The following FANCB variants were observed in gnomAD, a reference collection of about 807,000 sequenced individuals.
FANCB encodes Fanconi anemia group B protein.
A neutral mutation model predicts 38.9 loss-of-function variants in FANCB; 5 were observed. That is an observed-to-expected ratio of 0.13 (90% CI 0.07 to 0.27). The LOEUF is 0.27. Among genes scored for constraint, FANCB ranks in the 10% least tolerant of loss-of-function variants. FANCB has a pLI of 1.00. For missense variants in FANCB, 573 were observed against 602.7 expected, an observed-to-expected ratio of 0.95 and a Z score of 0.52; for synonymous variants, 236 against 215.4, an observed-to-expected ratio of 1.10 and a Z score of -0.84.
chrX:14,787,553 AC>A, the FANCB span, among the ~76,000 whole-genome samples: 1 of 110,714 alleles, frequency 9.0e-6, no homozygotes, highest in Non-Finnish European at 1.9e-5. Flanking sequence ...TGTTTTCACC[AC>A]AAAAAATAAG....
intron 10 of FANCB, among the ~76,000 whole-genome samples, chrX:14,838,356 C>A (rs1397310699): frequency 2.7e-5 from 3 of 111,827 alleles, no homozygotes. Context: ...TCAGGAAACA[C>A]CTGACTAGCC....
At chrX:14,799,423 G>T in the FANCB span, among the ~76,000 whole-genome samples, 1 of 112,331 alleles carries the variant, frequency 8.9e-6, no homozygotes. Flanking sequence ...TACAGGTATA[G>T]ATACAGATCT....
the FANCB span, among the ~76,000 whole-genome samples, chrX:14,721,139 AT>A: frequency 9.4e-6 from 1 of 106,839 alleles, no homozygotes; most frequent in Non-Finnish European, 1.9e-5. Flanking sequence ...AAAAAAAAAA[AT>A]ACTGTTGGGG....
rs867778700 is a variant in FANCB, at chrX:14,850,659, G to A, written c.1342C>T (p.Pro448Ser). Residue 448 changes from proline to serine, a missense_variant, in exon 7 of 10, where the codon CCT (proline) becomes TCT (serine). Physicochemically the swap from Pro to Ser is moderately conservative, Grantham distance 74 (BLOSUM62 -1). Transcript: ENST00000650831. ...SSAEEKECLVPLCGEEENSVH... is the reference protein window; with the variant it reads ...SSAEEKECLVSLCGEEENSVH... Reference sequence around the variant, plus strand: ...GAATTTTCTTCTTCACCACAAAGAGGAACAAGACATTCCTTCTAAAAAAAA... The same window carrying A: ...GAATTTTCTTCTTCACCACAAAGAGAAACAAGACATTCCTTCTAAAAAAAA... 3 of 1,156,816 alleles carry A rather than the reference G, an allele frequency of 2.6e-6. No homozygotes were observed. The highest frequency in any genetic ancestry group is 3.7e-5 in the South Asian group (2 of 54,442).
the FANCB span, among the ~76,000 whole-genome samples, chrX:14,732,438 A>C: frequency 8.9e-6 from 1 of 112,224 alleles, no homozygotes; most frequent in Non-Finnish European, 1.9e-5. Flanking sequence ...TTCTGGTTCT[A>C]GATCCTTGAG....
At chrX:14,832,486 TG>T (rs930801387), downstream of FANCB, among the ~76,000 whole-genome samples, 1 of 111,534 alleles carries the variant, frequency 9.0e-6, no homozygotes, top group African/African-American at 3.3e-5. Context: ...CATATCTTTT[TG>T]GGGGGACATA....
the FANCB span, among the ~76,000 whole-genome samples, chrX:14,768,461 T>C: frequency 1.8e-5 from 2 of 111,410 alleles, no homozygotes; most frequent in East Asian, 5.6e-4. Flanking sequence ...GCTCTCTGCT[T>C]GCCTGTTGTT....
At chrX:14,725,532 G>A in the FANCB span, among the ~76,000 whole-genome samples, 1 of 111,947 alleles carries the variant, frequency 8.9e-6, no homozygotes, top group African/African-American at 3.2e-5. Context: ...TGAGAAATGC[G>A]ATGGAAAGAT....
chrX:14,690,687 GTGTGTC>G, the FANCB span: 4 of 1,026,161 alleles, frequency 3.9e-6, no homozygotes, highest in Non-Finnish European at 5.5e-6. Context: ...CTGTGTGTGT[GTGTGTC>G]TCTCTCTCTC....
the FANCB span, among the ~76,000 whole-genome samples, chrX:14,778,430 C>T: frequency 8.9e-6 from 1 of 111,932 alleles, no homozygotes; most frequent in African/African-American, 3.3e-5. Context: ...AGAATTCCCA[C>T]CTAACCCAAC....
At chrX:14,807,828 GA>G in the FANCB span, among the ~76,000 whole-genome samples, 7 of 109,983 alleles carry the variant, frequency 6.4e-5, no homozygotes, top group Non-Finnish European at 7.6e-5. Flanking sequence ...GCCAGTCTAA[GA>G]AAAAAAAGAG....
At chrX:14,742,457 G>A in the FANCB span, among the ~76,000 whole-genome samples, 1 of 111,781 alleles carries the variant, frequency 8.9e-6, no homozygotes, top group South Asian at 3.8e-4. Context: ...CTTGAGCAAA[G>A]CTTTAATGCC....
In FANCB at chrX:14,861,852, A is replaced by AT. The variant is rs58502407; in HGVS notation, c.952-2519dup. 2.7e-3 allele frequency among the ~76,000 whole-genome samples: 281 copies of AT among 105,978 alleles called. 1 individual carries two copies. The highest frequency in any genetic ancestry group is 7.7e-3 in the African/African-American group (225 of 29,310). The allele number at this position is 105,978 out of a possible 115,157, so 92.0% of individuals were successfully genotyped here. ...CTCTTATTTCTGTTTTTTTAAATTA[A>AT]TTTTTTTTTTTGCAGACAGATCTTG... On this transcript the variant is annotated intron_variant, in intron 3 of 9. Coordinates refer to ENST00000650831, the MANE Select transcript of FANCB (RefSeq NM_001018113.3).
At chrX:14,769,114 A>T in the FANCB span, among the ~76,000 whole-genome samples, 1 of 110,833 alleles carries the variant, frequency 9.0e-6, no homozygotes, top group African/African-American at 3.3e-5. Flanking sequence ...ATTGGCCTGA[A>T]GTTTTCTTTT....
At chrX:14,736,245 A>G in the FANCB span, among the ~76,000 whole-genome samples, 6 of 109,943 alleles carry the variant, frequency 5.5e-5, no homozygotes, top group East Asian at 8.6e-4. Context: ...GGAGTGAACT[A>G]TTCTGTCTTG....
the FANCB span, among the ~76,000 whole-genome samples, chrX:14,823,944 C>T: frequency 2.7e-5 from 3 of 111,360 alleles, no homozygotes; most frequent in East Asian, 8.5e-4. Context: ...AGAAGAGACC[C>T]AGAGCTAGCA....
chrX:14,842,754 T>C (rs2092358780), downstream of FANCB, among the ~76,000 whole-genome samples: 1 of 112,213 alleles, frequency 8.9e-6, no homozygotes, highest in South Asian at 3.6e-4. Context: ...GAATTTCAGA[T>C]AGCTTAAAAG....
At chrX:14,848,456 T>G (rs1436202757) in intron 7 of FANCB, among the ~76,000 whole-genome samples, 8 of 111,652 alleles carry the variant, frequency 7.2e-5, no homozygotes, top group Non-Finnish European at 3.8e-5. Context: ...ATAAACACCC[T>G]CATCTTGCCA....
the FANCB span, among the ~76,000 whole-genome samples, chrX:14,776,742 C>T: frequency 8.9e-6 from 1 of 112,581 alleles, no homozygotes; most frequent in East Asian, 2.8e-4. Flanking sequence ...TCAAAGGAAA[C>T]ACCACAGTAG....
Sources: allele counts gnomAD v4.1 joint callset (sites outside exome capture counted in the v4.1 genomes callset), GRCh38; gene constraint gnomAD v4.1.1; transcripts MANE v1.5; gene names NCBI Gene and HGNC (gene_info 2026-07-23, HGNC 2026-07-21).